The following GRM5 variants were observed in gnomAD, a reference collection of about 807,000 sequenced individuals.
GRM5 encodes glutamate metabotropic receptor 5.
Under a neutral mutation model 83.1 loss-of-function variants are expected in GRM5, and 19 were observed. The observed-to-expected ratio is 0.23, with a 90% CI of 0.16 to 0.34. The LOEUF is 0.34. Among genes scored for constraint, GRM5 ranks in the 10% least tolerant of loss-of-function variants. The pLI, the probability that GRM5 is intolerant of heterozygous loss-of-function variation, is 1.00. For missense variants in GRM5, 1,160 were observed against 1,588.3 expected, an observed-to-expected ratio of 0.73 and a Z score of 4.58; for synonymous variants, 675 against 633.6, an observed-to-expected ratio of 1.07 and a Z score of -0.98.
intron 2 of GRM5, among the ~76,000 whole-genome samples, chr11:88,893,699 T>C (rs1945184617): frequency 6.6e-6 from 1 of 152,010 alleles, no homozygotes; most frequent in Admixed American, 6.6e-5. Context: ...AATGGAGCTT[T>C]AGACTGAACA....
intron 4 of GRM5, among the ~76,000 whole-genome samples, chr11:88,611,855 A>C (rs929259358): frequency 2.0e-5 from 3 of 151,676 alleles, no homozygotes; most frequent in Non-Finnish European, 4.4e-5. Context: ...TGATGTAGGC[A>C]TTTAGTGCTA....
chr11:88,747,724 C>T (rs1457242551), intron 3 of GRM5, among the ~76,000 whole-genome samples: 3 of 149,834 alleles, frequency 2.0e-5, no homozygotes, highest in Non-Finnish European at 3.0e-5. Context: ...AAAAAGATCA[C>T]GTAACGAGGA....
chr11:88,980,674 T>G (rs952866979), intron 2 of GRM5, among the ~76,000 whole-genome samples: 4 of 151,746 alleles, frequency 2.6e-5, no homozygotes, highest in African/African-American at 7.3e-5. Context: ...ACACAAAAAG[T>G]TAGTCGGGCG....
chr11:88,659,778 C>A (rs1499042), intron 3 of GRM5, among the ~76,000 whole-genome samples: 1 of 152,124 alleles, frequency 6.6e-6, no homozygotes, highest in African/African-American at 2.4e-5. Context: ...TAGACAATTA[C>A]GAAGATAAAA....
rs189144775 is a variant in GRM5 at position 88,959,872 on chromosome 11, T to C, written c.661+87340A>G. 1.3e-3 allele frequency among the ~76,000 whole-genome samples: 204 copies of C among 152,352 alleles called. 1 individual carries two copies. Among genetic ancestry groups the C allele is most frequent in the African/African-American group, 4.6e-3 (190 of 41,572 alleles). On this transcript the variant is annotated intron_variant, in intron 2 of 9. Transcript: ENST00000305447. ...AATCATGAAGGCAAACAAAGTCTTC[T>C]TGACAGAAGAAAGTATATATACAGC...
At chr11:88,871,414 G>A (rs1035015067) in intron 2 of GRM5, among the ~76,000 whole-genome samples, 10 of 151,646 alleles carry the variant, frequency 6.6e-5, no homozygotes, top group African/African-American at 2.4e-4. Context: ...GAAAGATGAT[G>A]ATTCCAGAAT....
At chr11:89,039,983 T>C (rs917711391) in intron 2 of GRM5, among the ~76,000 whole-genome samples, 14 of 152,202 alleles carry the variant, frequency 9.2e-5, no homozygotes, top group East Asian at 3.8e-4. Context: ...TCTTTTTTTT[T>C]ACTTTTTGTA....
At chr11:88,884,969 T>C (rs1244988363) in intron 2 of GRM5, among the ~76,000 whole-genome samples, 1 of 152,190 alleles carries the variant, frequency 6.6e-6, no homozygotes, top group Admixed American at 6.5e-5. Context: ...ACCATATTTG[T>C]CCTTAAAATT....
rs1188827340 is a variant in GRM5 at position 88,649,249 on chromosome 11, CAT to C, written c.1147+3917_1147+3918del. The stretch of plus-strand genomic sequence containing the variant: ...GTATATATAGTATATATATCACACA[CAT>C]ATGTATTACATATATATTATATATT... On this transcript the variant is annotated intron_variant, in intron 4 of 9. Transcript: ENST00000305447. Among the ~76,000 whole-genome samples the C allele has an allele frequency of 8.7e-4, 107 of 123,250 alleles. 1 individual carries two copies. The highest frequency in any genetic ancestry group is 3.1e-3 in the African/African-American group (100 of 32,486). The allele number at this position is 123,250 out of a possible 152,430, so 80.9% of individuals were successfully genotyped here.
intron 3 of GRM5, among the ~76,000 whole-genome samples, chr11:88,773,301 G>GT (rs1163589188): frequency 4.6e-5 from 7 of 151,736 alleles, no homozygotes; most frequent in East Asian, 3.9e-4. Context: ...TGATGTGGCT[G>GT]TTTTTTTTCT....
intron 8 of GRM5, among the ~76,000 whole-genome samples, chr11:88,545,088 T>C (rs1942358431): frequency 6.6e-6 from 1 of 152,202 alleles, no homozygotes; most frequent in Non-Finnish European, 1.5e-5. Flanking sequence ...GACTCTTAAC[T>C]CTATCTAACC....
rs566434576 is a variant in GRM5 at position 89,047,142 on chromosome 11, T to C, written c.661+70A>G. On this transcript the variant is annotated intron_variant, in intron 2 of 9. Transcript: ENST00000305447. The surrounding 1 kb of genome is among the most constrained non-coding windows in gnomAD (Gnocchi z 5.1). ...CAAAATAATTAGGAATAGTTTACTC[T>C]TCCCAAACCTGAAATTGTAACTGTT... The C allele has an allele frequency of 4.4e-5, 54 of 1,240,428 alleles. No individual in the cohort carries two copies. Among genetic ancestry groups the C allele is most frequent in the Admixed American group, 1.3e-4 (6 of 45,646 alleles). 76.8% of individuals were successfully genotyped at this position (1,240,428 alleles called of 1,614,324 possible).
At chr11:88,799,820 T>C (rs981335097) in intron 3 of GRM5, among the ~76,000 whole-genome samples, 1 of 152,166 alleles carries the variant, frequency 6.6e-6, no homozygotes, top group African/African-American at 2.4e-5. Flanking sequence ...ATGGCATTCA[T>C]AGTTTAGAAA....
At chr11:89,048,857 A>C in intron 1 of GRM5, among the ~76,000 whole-genome samples, 1 of 152,214 alleles carries the variant, frequency 6.6e-6, no homozygotes, top group East Asian at 1.9e-4. Context: ...ATTAAGAAGT[A>C]TTAGTAAACT....
intron 3 of GRM5, among the ~76,000 whole-genome samples, chr11:88,720,100 G>A (rs1031091054): frequency 6.6e-6 from 1 of 151,954 alleles, no homozygotes; most frequent in African/African-American, 2.4e-5. Flanking sequence ...AAAGTCCCGT[G>A]AAGACAGAAC....
In GRM5 at chr11:88,564,732, G is replaced by A. The variant is rs543820661; in HGVS notation, c.2630+2321C>T. ...CAAGCACCCTTCAAGGTACAGGTAG[G>A]TATTGGAGGCACAGTGATGAGCAAG... On this transcript the variant is annotated intron_variant, in intron 8 of 9. Transcript: ENST00000305447. Among the ~76,000 whole-genome samples the A allele has an allele frequency of 2.0e-5, 3 of 152,300 alleles. No homozygotes were observed. The South Asian group carries it at 6.2e-4, about 32-fold the overall frequency.
chr11:88,838,908 C>A (rs1468985241), intron 3 of GRM5, among the ~76,000 whole-genome samples: 1 of 150,566 alleles, frequency 6.6e-6, no homozygotes, highest in Non-Finnish European at 1.5e-5. Flanking sequence ...CACACACATA[C>A]ACACACAAAC....
intron 1 of GRM5, among the ~76,000 whole-genome samples, chr11:89,051,234 C>T (rs565715926): frequency 2.5e-4 from 37 of 149,052 alleles, no homozygotes; most frequent in Non-Finnish European, 4.8e-4. Context: ...CCAGCCTGGG[C>T]GGCAGAGAGA....
intron 3 of GRM5, among the ~76,000 whole-genome samples, chr11:88,672,999 A>G (rs1591430760): frequency 1.3e-5 from 2 of 152,012 alleles, no homozygotes; most frequent in African/African-American, 4.8e-5. Flanking sequence ...CACTGCAAAT[A>G]TCATGAACAA....
Sources: allele counts gnomAD v4.1 joint callset (sites outside exome capture counted in the v4.1 genomes callset), GRCh38; gene constraint gnomAD v4.1.1; non-coding constraint Gnocchi (gnomAD v3.1); transcripts MANE v1.5; gene names NCBI Gene and HGNC (gene_info 2026-07-23, HGNC 2026-07-21).